SIK2: variants seen among roughly 807,000 people sequenced by gnomAD.
SIK2 encodes salt inducible kinase 2.
SIK2 carries 29 observed loss-of-function variants against 103.2 expected under a neutral mutation model. That is an observed-to-expected ratio of 0.28 (90% CI 0.21 to 0.38). The LOEUF (loss-of-function observed/expected upper bound fraction) is 0.38. Ranked by LOEUF, SIK2 falls within the 10% of genes least tolerant of loss-of-function variation. The pLI is 1.00. For missense variants in SIK2, 879 were observed against 1,171.0 expected (o/e 0.75, Z 3.64); for synonymous variants, 412 against 446.1 (o/e 0.92, Z 0.96).
At chr11:111,692,810 T>C (rs1451251342) in intron 4 of SIK2, among the ~76,000 whole-genome samples, 1 of 152,012 alleles carries the variant, frequency 6.6e-6, no homozygotes, top group Non-Finnish European at 1.5e-5. Flanking sequence ...TTATACTTTT[T>C]TCTGGGTTTT....
At chr11:111,704,726 G>C (rs2135931925) in intron 7 of SIK2, among the ~76,000 whole-genome samples, 1 of 152,244 alleles carries the variant, frequency 6.6e-6, no homozygotes, top group East Asian at 1.9e-4. Flanking sequence ...TCTCTGACTG[G>C]AGAAAAATAA....
At chr11:111,633,797 C>G (rs190576907) in intron 3 of SIK2, among the ~76,000 whole-genome samples, 1 of 152,256 alleles carries the variant, frequency 6.6e-6, no homozygotes, top group East Asian at 1.9e-4. Context: ...GTGCTCATCT[C>G]TGAAGGATAA....
chr11:111,704,117 T>C (rs2135930392), intron 7 of SIK2, among the ~76,000 whole-genome samples: 2 of 152,350 alleles, frequency 1.3e-5, no homozygotes, highest in Middle Eastern at 6.8e-3. Flanking sequence ...TGTGCTGCCT[T>C]TCCCCCGCCA....
intron 3 of SIK2, among the ~76,000 whole-genome samples, chr11:111,681,087 A>G (rs1485389779): frequency 6.6e-6 from 1 of 152,238 alleles, no homozygotes; most frequent in African/African-American, 2.4e-5. Flanking sequence ...GTATAAGTAT[A>G]TAATTAGGTA....
chr11:111,610,282 G>A (rs759363481), intron 1 of SIK2, among the ~76,000 whole-genome samples: 5 of 152,110 alleles, frequency 3.3e-5, no homozygotes, highest in South Asian at 2.1e-4. Flanking sequence ...TTGAGGTGAC[G>A]AGTTTGAGAC....
rs950141743 is a variant in SIK2, at chr11:111,701,788, T to G, written c.727+213T>G. On this transcript the variant is annotated intron_variant, in intron 6 of 14. Coordinates refer to ENST00000304987, the MANE Select transcript of SIK2 (RefSeq NM_015191.3). This position sits in a 1 kb window ranked among gnomAD's most constrained non-coding sequence, Gnocchi z 4.2. ...AACTAAACACACAGCATTTCCCAGA[T>G]TAAGAGCAGCATGTCTTCTCATTCA... Among the ~76,000 whole-genome samples the G allele has an allele frequency of 6.6e-6, 1 of 152,208 alleles. No homozygotes were observed. Among genetic ancestry groups the G allele is most frequent in the African/African-American group, 2.4e-5 (1 of 41,444 alleles).
intron 4 of SIK2, among the ~76,000 whole-genome samples, chr11:111,691,584 G>T (rs1942943340): frequency 6.6e-6 from 1 of 152,090 alleles, no homozygotes. Context: ...TCTTCCTAAA[G>T]GGGTACTCAC....
chr11:111,701,413 T>A lies in SIK2; in HGVS notation c.604-39T>A, dbSNP rs1446133663. The stretch of plus-strand genomic sequence containing the variant: ...TCAGGAAAACAAAGAGTGTTTGACG[T>A]TCTTGGTAGAAAAGTCTCTGCATTG... On this transcript the variant is annotated intron_variant, in intron 5 of 14. Coordinates refer to ENST00000304987, the MANE Select transcript of SIK2 (RefSeq NM_015191.3). This position sits in a 1 kb window ranked among gnomAD's most constrained non-coding sequence, Gnocchi z 4.2. The A allele has an allele frequency of 6.3e-7, 1 of 1,599,130 alleles. No individual in the cohort carries two copies. Among genetic ancestry groups the A allele is most frequent in the Non-Finnish European group, 8.5e-7 (1 of 1,169,842 alleles).
intron 6 of SIK2, among the ~76,000 whole-genome samples, chr11:111,702,897 A>G (rs1168668964): frequency 7.5e-6 from 1 of 133,888 alleles, no homozygotes; most frequent in African/African-American, 2.8e-5. Context: ...AATGAGGCTT[A>G]TTTCTTTCCT....
chr11:111,603,400 G>C (rs150061156), intron 1 of SIK2, among the ~76,000 whole-genome samples: 1 of 152,096 alleles, frequency 6.6e-6, no homozygotes, highest in African/African-American at 2.4e-5. Context: ...ACGGTGGGTG[G>C]ATTGGTCTTC....
At chr11:111,631,514 A>G (rs751702227) in intron 3 of SIK2, among the ~76,000 whole-genome samples, 5 of 152,184 alleles carry the variant, frequency 3.3e-5, no homozygotes, top group Non-Finnish European at 5.9e-5. Context: ...GTCATTGTTG[A>G]AAAGGCTGAT....
rs1343632389 is a variant in SIK2 at position 111,719,394 on chromosome 11, T to TAA, written c.1267-369_1267-368dup. Among the ~76,000 whole-genome samples the TAA allele has an allele frequency of 2.4e-3, 273 of 112,560 alleles. 4 individuals carry two copies. Among genetic ancestry groups the TAA allele is most frequent in the Non-Finnish European group, 4.0e-3 (221 of 55,356 alleles). The allele number at this position is 112,560 out of a possible 152,430, so 73.8% of individuals were successfully genotyped here. A position where few individuals can be genotyped will look rare whatever the true frequency, so the allele number is the denominator to read the frequency against. ...TTTTTTTAGCAATGAGCCAAGTAGTTAAAAAAAAAAAAACAACTCATCTTC... is the reference window on the plus strand; with the variant it reads ...TTTTTTTAGCAATGAGCCAAGTAGTTAAAAAAAAAAAAAAACAACTCATCTTC... On this transcript the variant is annotated intron_variant, in intron 9 of 14. Coordinates refer to ENST00000304987, the MANE Select transcript of SIK2 (RefSeq NM_015191.3).
intron 4 of SIK2, among the ~76,000 whole-genome samples, chr11:111,694,964 T>C (rs1008185945): frequency 6.6e-6 from 1 of 152,220 alleles, no homozygotes; most frequent in African/African-American, 2.4e-5. Context: ...CCTTCCCTCC[T>C]GTCAGATGGG....
Position 111,724,285 on chromosome 11 carries a change from A to G in SIK2, c.*156A>G, listed in dbSNP as rs1591652435. The G allele has an allele frequency of 9.1e-7, 1 of 1,100,270 alleles. No individual in the cohort carries two copies. Among genetic ancestry groups the G allele is most frequent in the Non-Finnish European group, 1.3e-6 (1 of 795,302 alleles). The allele number at this position is 1,100,270 out of a possible 1,614,324, so 68.2% of individuals were successfully genotyped here. Reference sequence around the variant, plus strand: ...GAATCAGAGGGTCTGGCTGGGGTGGATGTTGCTTCCTCCTGGTTCTGCCCC... The same window carrying G: ...GAATCAGAGGGTCTGGCTGGGGTGGGTGTTGCTTCCTCCTGGTTCTGCCCC... On this transcript the variant is annotated 3_prime_UTR_variant, in exon 15 of 15. Coordinates refer to ENST00000304987, the MANE Select transcript of SIK2 (RefSeq NM_015191.3).
Position 111,727,463 on chromosome 11 carries a change from G to A in SIK2, c.*3334G>A, listed in dbSNP as rs982938959. Reference sequence around the variant, plus strand: ...ACTGAAGCCAGCCCTTGCCTCTTGTGTCCCTTCCCAACTCTGGTGCTGGAG... The same window carrying A: ...ACTGAAGCCAGCCCTTGCCTCTTGTATCCCTTCCCAACTCTGGTGCTGGAG... On this transcript the variant is annotated 3_prime_UTR_variant, in exon 15 of 15. Transcript: ENST00000304987. 3.0e-5 allele frequency: 6 copies of A among 199,670 alleles called. No homozygotes were observed. Among genetic ancestry groups the A allele is most frequent in the Non-Finnish European group, 5.1e-5 (5 of 97,170 alleles). 12.4% of individuals were successfully genotyped at this position (199,670 alleles called of 1,614,324 possible). A position where few individuals can be genotyped will look rare whatever the true frequency, so the allele number is the denominator to read the frequency against.
rs187890617 is a variant in SIK2, at chr11:111,655,126, G to A, written c.317-32875G>A. Among the ~76,000 whole-genome samples, 1,002 of 152,306 alleles carry A rather than the reference G, an allele frequency of 6.6e-3. 8 individuals are homozygous for A. The highest frequency in any genetic ancestry group is 0.054 in the Middle Eastern group (16 of 294). On this transcript the variant is annotated intron_variant, in intron 3 of 14. Coordinates refer to ENST00000304987, the MANE Select transcript of SIK2 (RefSeq NM_015191.3). The stretch of plus-strand genomic sequence containing the variant: ...CAAAAAAATGTTTTTCTCTGGCTGG[G>A]CACAGTGGCTCATGCCTGTGATCCC...
intron 4 of SIK2, among the ~76,000 whole-genome samples, chr11:111,700,575 T>C (rs1943190054): frequency 6.6e-6 from 1 of 152,226 alleles, no homozygotes; most frequent in African/African-American, 2.4e-5. Context: ...GATTATCAAA[T>C]ACTAGTTGGG....
chr11:111,679,584 T>A (rs1184793366), intron 3 of SIK2, among the ~76,000 whole-genome samples: 1 of 152,216 alleles, frequency 6.6e-6, no homozygotes, highest in African/African-American at 2.4e-5. Context: ...TTTAATATTA[T>A]AAATAGTATT....
intron 3 of SIK2, among the ~76,000 whole-genome samples, 194 bp from the exon 4 acceptor site, chr11:111,687,807 G>A (rs556388259): frequency 2.6e-5 from 4 of 151,804 alleles, no homozygotes; most frequent in Non-Finnish European, 5.9e-5. Context: ...GGGTTTCACC[G>A]TGTTAGCCAG....
Sources: allele counts gnomAD v4.1 joint callset (sites outside exome capture counted in the v4.1 genomes callset), GRCh38; gene constraint gnomAD v4.1.1; non-coding constraint Gnocchi (gnomAD v3.1); transcripts MANE v1.5; gene names NCBI Gene and HGNC (gene_info 2026-07-23, HGNC 2026-07-21).